GLIPR1L2: variants seen among roughly 807,000 people sequenced by gnomAD.
GLIPR1L2 encodes GLIPR1-like protein 2.
GLIPR1L2 carries 21 observed loss-of-function variants against 28.4 expected under a neutral mutation model. The ratio of observed to expected loss-of-function variants is 0.74; its 90% CI spans 0.52 to 1.06. The LOEUF (loss-of-function observed/expected upper bound fraction) is 1.06, where lower values mean the gene tolerates loss of function less well. Among genes scored for constraint, GLIPR1L2 ranks in the 50% least tolerant of loss-of-function variants. The probability of loss-of-function intolerance (pLI) is 0.00; values close to 1 mark genes in which losing one functional copy is unlikely to be tolerated. For synonymous variants in GLIPR1L2, 145 were observed against 139.3 expected (o/e 1.04, Z -0.29); for missense variants, 476 against 416.9 (o/e 1.14, Z -1.23).
At chr12:75,403,703 C>T (rs910407290) in intron 1 of GLIPR1L2, among the ~76,000 whole-genome samples, 1 of 152,044 alleles carries the variant, frequency 6.6e-6, no homozygotes, top group East Asian at 1.9e-4. Context: ...CTTTGATCTT[C>T]CCTTCAGTTC....
Position 75,431,252 on chromosome 12 carries a change from G to A in GLIPR1L2, c.*91G>A. 1 of 589,976 alleles carries A rather than the reference G, an allele frequency of 1.7e-6. No homozygotes were observed. Among genetic ancestry groups the A allele is most frequent in the Non-Finnish European group, 3.0e-6 (1 of 335,280 alleles). The allele number at this position is 589,976 out of a possible 1,614,324, so 36.5% of individuals were successfully genotyped here. On this transcript the variant is annotated 3_prime_UTR_variant, in exon 6 of 6. Coordinates refer to ENST00000550916, the MANE Select transcript of GLIPR1L2 (RefSeq NM_001270396.2). Reference sequence around the variant, plus strand: ...AGAAAAAAAAAAAAAGTAAAACACTGAGTTTTAACAAGAAAGAAAATATGC... The same window carrying A: ...AGAAAAAAAAAAAAAGTAAAACACTAAGTTTTAACAAGAAAGAAAATATGC...
chr12:75,430,961 C>T lies in GLIPR1L2; in HGVS notation c.835C>T (p.Pro279Ser), dbSNP rs267603670. ...TGTTTTGATAGTACAGTCTCAGTTT[C>T]CAAATATCTTGTTGGAACAACAAAT... ...ITVLIVQSQF[P>S]NILLEQQMIF... Residue 279 changes from proline to serine, a missense_variant, in exon 6 of 6, where the codon CCA (proline) becomes TCA (serine). By Grantham distance (74) the Pro-to-Ser change is moderately conservative. Transcript: ENST00000550916. The T allele has an allele frequency of 6.5e-7, 1 of 1,535,526 alleles. No homozygotes were observed. The highest frequency in any genetic ancestry group is 8.7e-7 in the Non-Finnish European group (1 of 1,146,686).
At chr12:75,400,276 G>T (rs138766090) in intron 1 of GLIPR1L2, among the ~76,000 whole-genome samples, 3 of 151,850 alleles carry the variant, frequency 2.0e-5, no homozygotes, top group South Asian at 2.1e-4. Context: ...CTGCCACCAC[G>T]CCCGGCTAAT....
chr12:75,405,517 C>G (rs1273315891), intron 1 of GLIPR1L2, among the ~76,000 whole-genome samples: 1 of 152,112 alleles, frequency 6.6e-6, no homozygotes, highest in African/African-American at 2.4e-5. Flanking sequence ...AACAATTGGT[C>G]AGCTGAGTAA....
intron 2 of GLIPR1L2, among the ~76,000 whole-genome samples, chr12:75,411,750 A>T (rs1376191680): frequency 6.6e-6 from 1 of 151,902 alleles, no homozygotes; most frequent in Non-Finnish European, 1.5e-5. Context: ...CACCTTTTTA[A>T]TGTGTCTCTT....
At chr12:75,425,237 T>C (rs1445950056) in intron 4 of GLIPR1L2, among the ~76,000 whole-genome samples, 1 of 151,970 alleles carries the variant, frequency 6.6e-6, no homozygotes, top group Non-Finnish European at 1.5e-5. Flanking sequence ...TCTGAGCCAG[T>C]GAGGAAGGCA....
intron 2 of GLIPR1L2, among the ~76,000 whole-genome samples, chr12:75,411,686 C>T (rs1364161603): frequency 6.6e-6 from 1 of 151,856 alleles, no homozygotes; most frequent in East Asian, 1.9e-4. Context: ...ATTTGACATG[C>T]TTAACTTCAC....
rs763860591 is a variant in GLIPR1L2 at position 75,391,221 on chromosome 12, A to G, written c.105A>G (p.Leu35=). 1.9e-6 allele frequency: 3 copies of G among 1,614,156 alleles called. No individual in the cohort carries two copies. The highest frequency in any genetic ancestry group is 2.5e-6 in the Non-Finnish European group (3 of 1,179,990). The change falls in exon 1 of 6, where the codon CTA becomes CTG. Residue 35 remains leucine, a synonymous_variant. Transcript: ENST00000550916. Reference sequence around the variant, plus strand: ...GGCTCTGTGAGCTGTGGCTACTGCTACTGGGTTCTAGTTTGAACGCCAGAT... The same window carrying G: ...GGCTCTGTGAGCTGTGGCTACTGCTGCTGGGTTCTAGTTTGAACGCCAGAT... ...KLRLCELWLL[L]LGSSLNARFL...
chr12:75,410,848 T>TC (rs2045860034), intron 2 of GLIPR1L2, among the ~76,000 whole-genome samples, 169 bp downstream of exon 2: 1 of 151,858 alleles, frequency 6.6e-6, no homozygotes, highest in Admixed American at 6.6e-5. Context: ...CCATCCCATC[T>TC]TTTATATGAA....
intron 3 of GLIPR1L2, among the ~76,000 whole-genome samples, chr12:75,415,228 T>C (rs1490963409): frequency 6.6e-6 from 1 of 152,136 alleles, no homozygotes; most frequent in African/African-American, 2.4e-5. Context: ...TTTTGGAATT[T>C]ATCCTAAGTA....
intron 3 of GLIPR1L2, among the ~76,000 whole-genome samples, chr12:75,421,780 T>G: frequency 6.6e-6 from 1 of 152,176 alleles, no homozygotes; most frequent in East Asian, 1.9e-4. Context: ...CCATTTATAT[T>G]TATTTGCTTC....
intron 1 of GLIPR1L2, chr12:75,391,584 G>A: frequency 1.4e-6 from 2 of 1,416,430 alleles, no homozygotes; most frequent in Non-Finnish European, 1.9e-6. Context: ...GGAGGCACTG[G>A]CCTGAAGTGC....
intron 1 of GLIPR1L2, among the ~76,000 whole-genome samples, chr12:75,394,839 A>G (rs1234242477): frequency 6.7e-6 from 1 of 150,166 alleles, no homozygotes; most frequent in Non-Finnish European, 1.5e-5. Context: ...TGGGTAGAAC[A>G]GGCATCTTAA....
At chr12:75,425,224 G>A (rs1401116490) in intron 4 of GLIPR1L2, among the ~76,000 whole-genome samples, 2 of 152,170 alleles carry the variant, frequency 1.3e-5, no homozygotes, top group Non-Finnish European at 2.9e-5. Context: ...ATGGAAGGGA[G>A]AGTCTGAGCC....
intron 4 of GLIPR1L2, chr12:75,423,922 A>G (rs977672253): frequency 6.6e-6 from 1 of 152,232 alleles, no homozygotes; most frequent in Non-Finnish European, 1.5e-5. Context: ...GCTGCATAGT[A>G]TTCCATGGTG....
rs2046097756 is a variant in GLIPR1L2 at position 75,432,072 on chromosome 12, T to A, written c.*911T>A. The A allele has an allele frequency of 6.6e-6, 1 of 152,058 alleles. No homozygotes were observed. The highest frequency in any genetic ancestry group is 2.1e-4 in the South Asian group (1 of 4,826). The allele number at this position is 152,058 out of a possible 1,614,324, so 9.4% of individuals were successfully genotyped here. A position where few individuals can be genotyped will look rare whatever the true frequency, so the allele number is the denominator to read the frequency against. ...CATCAATGAATATTCATGGATCAACTTTGTAAAGGAATCAATAGTAGTTGT... is the reference window on the plus strand; with the variant it reads ...CATCAATGAATATTCATGGATCAACATTGTAAAGGAATCAATAGTAGTTGT... On this transcript the variant is annotated 3_prime_UTR_variant, in exon 6 of 6. Transcript: ENST00000550916.
chr12:75,393,503 T>C (rs2045652349), intron 1 of GLIPR1L2, among the ~76,000 whole-genome samples: 1 of 152,190 alleles, frequency 6.6e-6, no homozygotes. Context: ...AATATTTGTC[T>C]TTGTTACTAG....
chr12:75,419,468 G>A (rs1474429481), intron 3 of GLIPR1L2, among the ~76,000 whole-genome samples: 1 of 152,132 alleles, frequency 6.6e-6, no homozygotes, highest in African/African-American at 2.4e-5. Flanking sequence ...GTTATTGGAT[G>A]AATTATCCAT....
intron 4 of GLIPR1L2, 39 bp from the exon 5 acceptor site, chr12:75,430,676 A>C: frequency 6.6e-7 from 1 of 1,510,366 alleles, no homozygotes; most frequent in Non-Finnish European, 8.8e-7. Context: ...CAAAGAAGAA[A>C]TTTTATGTAA....
Sources: gnomAD v4.1 joint callset for allele counts (sites outside exome capture counted in the v4.1 genomes callset) on GRCh38, gnomAD v4.1.1 for gene constraint, MANE v1.5 for transcripts, NCBI Gene and HGNC (gene_info 2026-07-23, HGNC 2026-07-21) for gene names.